PSAP: variants seen among roughly 807,000 people sequenced by gnomAD.
PSAP encodes prosaposin.
A neutral mutation model predicts 66.0 loss-of-function variants in PSAP; 25 were observed. The observed-to-expected ratio is 0.38, with a 90% confidence interval of 0.28 to 0.53. The LOEUF (loss-of-function observed/expected upper bound fraction) is 0.53, where lower values mean the gene tolerates loss of function less well. PSAP is among the 20% of genes least tolerant of loss of function. The pLI is 0.83. For missense variants in PSAP, 649 were observed against 668.8 expected, an observed-to-expected ratio of 0.97 and a Z score of 0.33; for synonymous variants, 273 against 258.9, an observed-to-expected ratio of 1.05 and a Z score of -0.52.
In PSAP at chr10:71,817,190, G is replaced by A; in HGVS notation, c.*251C>T. On this transcript the variant is annotated 3_prime_UTR_variant, in exon 14 of 14. Coordinates refer to ENST00000394936, the MANE Select transcript of PSAP (RefSeq NM_002778.4). ...CTCCAGCAGGCGCCATGCAAGGGCA[G>A]GCTAAAAGACCTCCAGTGCATCAAC... 1 of 583,950 alleles carries A rather than the reference G, an allele frequency of 1.7e-6. No homozygotes were observed. Among genetic ancestry groups the A allele is most frequent in the Non-Finnish European group, 3.1e-6 (1 of 326,120 alleles). The allele number at this position is 583,950 out of a possible 1,614,324, so 36.2% of individuals were successfully genotyped here. A position where few individuals can be genotyped will look rare whatever the true frequency, so the allele number is the denominator to read the frequency against.
Position 71,819,120 on chromosome 10 carries a change from G to A in PSAP, c.1351-9C>T. 1 of 1,612,824 alleles carries A rather than the reference G, an allele frequency of 6.2e-7. No homozygotes were observed. The highest frequency in any genetic ancestry group is 8.5e-7 in the Non-Finnish European group (1 of 1,178,870). On this transcript the variant is annotated splice_polypyrimidine_tract_variant and intron_variant, in intron 11 of 13. Coordinates refer to ENST00000394936, the MANE Select transcript of PSAP (RefSeq NM_002778.4). ...GCCACAAACTGATCACACTATAAAG[G>A]AAAGTGGGGACACAGGTCCAGCTCT...
At chr10:71,846,453 G>A (rs1327077476) in intron 1 of PSAP, among the ~76,000 whole-genome samples, 1 of 148,264 alleles carries the variant, frequency 6.7e-6, no homozygotes. Context: ...AGCCAGGTGC[G>A]GCGACTCACG....
At chr10:71,848,391 C>G (rs1403797070) in intron 1 of PSAP, among the ~76,000 whole-genome samples, 2 of 152,234 alleles carry the variant, frequency 1.3e-5, no homozygotes, top group African/African-American at 4.8e-5. Context: ...GTCTTGGGTT[C>G]TGGTCCTGGC....
intron 1 of PSAP, 121 bp downstream of exon 1, chr10:71,851,061 C>G (rs780798524): frequency 4.2e-6 from 5 of 1,189,318 alleles, no homozygotes; most frequent in South Asian, 1.3e-5. Context: ...CTGCGCAGTG[C>G]GCGCGCCCCC....
chr10:71,819,631 G>C lies in PSAP; in HGVS notation c.1193-9C>G. Reference sequence around the variant, plus strand: ...TGGCTGAGTCACGTGAACTACATAAGAGGGCAGCGGGCTCAACGCTGGCAG... The same window carrying C: ...TGGCTGAGTCACGTGAACTACATAACAGGGCAGCGGGCTCAACGCTGGCAG... On this transcript the variant is annotated splice_polypyrimidine_tract_variant and intron_variant, in intron 10 of 13. Coordinates refer to ENST00000394936, the MANE Select transcript of PSAP (RefSeq NM_002778.4). 1 of 1,614,160 alleles carries C rather than the reference G, an allele frequency of 6.2e-7. No individual in the cohort carries two copies. Among genetic ancestry groups the C allele is most frequent in the Non-Finnish European group, 8.5e-7 (1 of 1,180,030 alleles).
At chr10:71,827,938 G>A (rs1422997130) in intron 6 of PSAP, 76 bp downstream of exon 6, 4 of 1,583,360 alleles carry the variant, frequency 2.5e-6, no homozygotes, top group South Asian at 2.3e-5. Context: ...GATGTTGTCT[G>A]AACGCCCTAC....
At chr10:71,820,676 T>A (rs1296098484) in intron 8 of PSAP, among the ~76,000 whole-genome samples, 1 of 148,958 alleles carries the variant, frequency 6.7e-6, no homozygotes, top group African/African-American at 2.5e-5. Context: ...CAGGGTTCAT[T>A]TTGGGGAGGA....
rs1387039570 is a variant in PSAP at position 71,828,143 on chromosome 10, A to C, written c.591T>G (p.Val197=). 1.2e-6 allele frequency: 2 copies of C among 1,614,062 alleles called. No homozygotes were observed. The highest frequency in any genetic ancestry group is 1.7e-6 in the Non-Finnish European group (2 of 1,180,040). Residue 197 remains valine, a synonymous_variant, in exon 6 of 14, where the codon GTT becomes GTG. Coordinates refer to ENST00000394936, the MANE Select transcript of PSAP (RefSeq NM_002778.4). ...TCACCATCTGAATGCAGTCCTGGCAAACGTCCCCATTATCCTACAGAAGAG... is the reference window on the plus strand; with the variant it reads ...TCACCATCTGAATGCAGTCCTGGCACACGTCCCCATTATCCTACAGAAGAG... ...SKPQPKDNGD[V]CQDCIQMVTD...
intron 1 of PSAP, among the ~76,000 whole-genome samples, chr10:71,841,619 C>T (rs1279629738): frequency 2.0e-5 from 3 of 152,122 alleles, no homozygotes; most frequent in Admixed American, 6.5e-5. Flanking sequence ...ATCTGTAATC[C>T]AAGCACCGTG....
intron 2 of PSAP, among the ~76,000 whole-genome samples, chr10:71,833,465 A>G (rs1198732099): frequency 6.6e-6 from 1 of 152,198 alleles, no homozygotes. Flanking sequence ...CTCCAAAAAA[A>G]AGGGCAAGTA....
chr10:71,850,809 C>A (rs543518453), intron 1 of PSAP, among the ~76,000 whole-genome samples: 14 of 152,384 alleles, frequency 9.2e-5, no homozygotes, highest in African/African-American at 3.4e-4. Context: ...ACCTCGATCA[C>A]GTGCGCCCAG....
intron 1 of PSAP, among the ~76,000 whole-genome samples, chr10:71,845,201 T>G (rs778150636): frequency 1.1e-4 from 17 of 152,178 alleles, no homozygotes; most frequent in Non-Finnish European, 2.2e-4. Context: ...GACTATTTAT[T>G]GGATACAATA....
intron 2 of PSAP, among the ~76,000 whole-genome samples, chr10:71,833,378 A>C (rs1842558347): frequency 6.6e-6 from 1 of 152,060 alleles, no homozygotes; most frequent in South Asian, 2.1e-4. Context: ...GGATTGCTTG[A>C]GCCTAGGAGG....
rs143059473 is a variant in PSAP, at chr10:71,840,343, G to A, written c.41-5838C>T. Among the ~76,000 whole-genome samples, 1,149 of 152,240 alleles carry A rather than the reference G, an allele frequency of 7.5e-3. 47 individuals carry two copies. The highest frequency in any genetic ancestry group is 0.069 in the Admixed American group (1,059 of 15,292). On this transcript the variant is annotated intron_variant, in intron 1 of 13. Transcript: ENST00000394936. ...AAGAGAGGATAACCCCTGGAGGAGC[G>A]GCTTCTACCGCAGGGCATTTCTCAG... is the stretch of plus-strand genomic sequence containing the variant.
intron 7 of PSAP, chr10:71,822,638 A>G: frequency 2.1e-6 from 1 of 472,284 alleles, no homozygotes; most frequent in African/African-American, 2.0e-5. Flanking sequence ...AACACAGAGC[A>G]CTAGATAGTC....
intron 8 of PSAP, 37 bp downstream of exon 8, chr10:71,821,839 C>T (rs1389613625): frequency 1.9e-6 from 3 of 1,613,984 alleles, no homozygotes; most frequent in Non-Finnish European, 2.5e-6. Flanking sequence ...TGTGGCATTG[C>T]ACAGCCCTGA....
intron 13 of PSAP, 133 bp downstream of exon 13, chr10:71,818,484 T>A: frequency 1.2e-6 from 1 of 853,052 alleles, no homozygotes; most frequent in Non-Finnish European, 2.0e-6. Context: ...TAACCACCTC[T>A]CTGGGCCTCA....
chr10:71,820,172 T>C, intron 9 of PSAP, 68 bp downstream of exon 9: 2 of 1,376,764 alleles, frequency 1.5e-6, no homozygotes, highest in Non-Finnish European at 2.1e-6. Flanking sequence ...CCTGTGGGAC[T>C]TTCCCACTGG....
Position 71,828,039 on chromosome 10 carries a change from C to A in PSAP, c.695G>T (p.Arg232Leu), listed in dbSNP as rs147265566. Residue 232 changes from arginine (R) to leucine (L), a missense_variant, in exon 6 of 14, where the codon CGC becomes CTC. Coordinates refer to ENST00000394936, the MANE Select transcript of PSAP (RefSeq NM_002778.4). ...LVEHVKEECD[R>L]LGPGMADICK... ...TATGTCGGCCATGCCAGGGCCCAGG[C>A]GGTCACACTCCTCCTTGACATGTTC... 22 of 1,614,196 alleles carry A rather than the reference C, an allele frequency of 1.4e-5. No individual in the cohort carries two copies. The highest frequency in any genetic ancestry group is 3.3e-5 in the Admixed American group (2 of 60,030).
Sources: gnomAD v4.1 joint callset for allele counts (sites outside exome capture counted in the v4.1 genomes callset) on GRCh38, gnomAD v4.1.1 for gene constraint, MANE v1.5 for transcripts, NCBI Gene and HGNC (gene_info 2026-07-23, HGNC 2026-07-21) for gene names.